Variants in PLS1 observed in about 807,000 individuals in gnomAD.
PLS1 encodes plastin 1, also known as plastin-1.
In PLS1, 32 loss-of-function variants were observed where a neutral mutation model predicts 73.7. The ratio of observed to expected loss-of-function variants is 0.43; its 90% confidence interval spans 0.33 to 0.58. PLS1 has a LOEUF of 0.58. PLS1 is among the 20% of genes least tolerant of loss of function. The pLI is 0.04. For missense variants in PLS1, 633 were observed against 740.5 expected (o/e 0.85, Z 1.68); for synonymous variants, 217 against 261.3 (o/e 0.83, Z 1.63).
chr3:142,648,793 C>T (rs1046294803), intron 1 of PLS1, among the ~76,000 whole-genome samples: 6 of 152,080 alleles, frequency 3.9e-5, no homozygotes, highest in African/African-American at 1.4e-4. Flanking sequence ...GCCATACATC[C>T]TTCTTGTTCC....
intron 1 of PLS1, among the ~76,000 whole-genome samples, chr3:142,663,436 GC>G (rs1336873991): frequency 6.6e-6 from 1 of 151,956 alleles, no homozygotes; most frequent in Non-Finnish European, 1.5e-5. Flanking sequence ...GAATACAAAA[GC>G]CCCCTTGCCC....
intron 1 of PLS1, among the ~76,000 whole-genome samples, chr3:142,659,577 T>C (rs2037319168): frequency 6.6e-6 from 1 of 152,174 alleles, no homozygotes; most frequent in African/African-American, 2.4e-5. Context: ...AAAAACTGAA[T>C]ACAAAAAGCA....
At chr3:142,630,675 C>A (rs957117247) in intron 1 of PLS1, among the ~76,000 whole-genome samples, 1 of 151,818 alleles carries the variant, frequency 6.6e-6, no homozygotes, top group East Asian at 1.9e-4. Flanking sequence ...TGCTTGAAAC[C>A]AGAAGGTGGA....
intron 1 of PLS1, chr3:142,645,520 T>C (rs1328319694): frequency 6.6e-6 from 1 of 152,204 alleles, no homozygotes; most frequent in Admixed American, 6.5e-5. Flanking sequence ...TGTGTTGCTG[T>C]GAATGATTTG....
rs2107889561 is a variant in PLS1 at position 142,684,012 on chromosome 3, T to G, written c.586T>G (p.Leu196Val). The change falls in exon 7 of 16, where the codon TTA becomes GTA. Residue 196 changes from leucine to valine, a missense_variant. Transcript: ENST00000457734. ...TTTTTTTTTGGCAATTCAGGAAAATTTAAACCTAGCTCTGAATTCTGCCTC... is the reference window on the plus strand; with the variant it reads ...TTTTTTTTTGGCAATTCAGGAAAATGTAAACCTAGCTCTGAATTCTGCCTC... ...KLTPFTISEN[L>V]NLALNSASAI... The G allele has an allele frequency of 6.3e-7, 1 of 1,599,554 alleles. No homozygotes were observed. Among genetic ancestry groups the G allele is most frequent in the Non-Finnish European group, 8.5e-7 (1 of 1,175,492 alleles).
Position 142,712,129 on chromosome 3 carries a change from T to A in PLS1, c.*122T>A. The stretch of plus-strand genomic sequence containing the variant: ...TATGCTCAAAATAGTTATATATTCA[T>A]TAATGAATTCAATATCCTGTTCATA... On this transcript the variant is annotated 3_prime_UTR_variant, in exon 16 of 16. Transcript: ENST00000457734. 2 of 892,388 alleles carry A rather than the reference T, an allele frequency of 2.2e-6. No homozygotes were observed. The highest frequency in any genetic ancestry group is 3.4e-5 in the South Asian group (2 of 59,492). The allele number at this position is 892,388 out of a possible 1,614,324, so 55.3% of individuals were successfully genotyped here.
rs1193849244 is a variant in PLS1 at position 142,647,525 on chromosome 3, C to T, written c.-36-16677C>T. On this transcript the variant is annotated intron_variant, in intron 1 of 15. Coordinates refer to ENST00000457734, the MANE Select transcript of PLS1 (RefSeq NM_001145319.2). ...TTTCTTTTTTTTTTTTTTCTTGAGA[C>T]GGAGTCTCGCACTGTTGCCCTGGCT... 8.2e-5 allele frequency among the ~76,000 whole-genome samples: 10 copies of T among 121,392 alleles called. No homozygotes were observed. In the East Asian group the frequency reaches 1.7e-3, roughly 21 times the overall value. 79.6% of individuals were successfully genotyped at this position (121,392 alleles called of 152,430 possible). A position where few individuals can be genotyped will look rare whatever the true frequency, so the allele number is the denominator to read the frequency against.
At chr3:142,691,779 A>G (rs1426690941) in intron 10 of PLS1, among the ~76,000 whole-genome samples, 1 of 152,206 alleles carries the variant, frequency 6.6e-6, no homozygotes, top group African/African-American at 2.4e-5. Context: ...GCTTGATCAT[A>G]TCACATCCCA....
At chr3:142,688,876 A>C (rs2038027495) in intron 9 of PLS1, among the ~76,000 whole-genome samples, 1 of 152,014 alleles carries the variant, frequency 6.6e-6, no homozygotes, top group Non-Finnish European at 1.5e-5. Context: ...CTATGATTTT[A>C]ATTTTTAAAA....
At chr3:142,608,859 C>T (rs2108543681) in intron 1 of PLS1, among the ~76,000 whole-genome samples, 1 of 152,294 alleles carries the variant, frequency 6.6e-6, no homozygotes, top group East Asian at 1.9e-4. Flanking sequence ...GAAAATGCAG[C>T]CTGAGGGTCA....
intron 1 of PLS1, among the ~76,000 whole-genome samples, chr3:142,617,613 C>T (rs1483101694): frequency 6.6e-6 from 1 of 152,132 alleles, no homozygotes; most frequent in African/African-American, 2.4e-5. Flanking sequence ...CTGAATGAGA[C>T]TCTTTGGGTT....
In PLS1 at chr3:142,699,117, G is replaced by A. The variant is rs369587598; in HGVS notation, c.1371+1050G>A. On this transcript the variant is annotated intron_variant, in intron 12 of 15. Transcript: ENST00000457734. ...GACCTGTCAGGGGTTGGGGGGCAAG[G>A]GGAGGGAGAGTATTAGGACAAATAC... 1.1e-4 allele frequency among the ~76,000 whole-genome samples: 16 copies of A among 152,236 alleles called. No homozygotes were observed. The South Asian group carries it at 3.3e-3, about 32-fold the overall frequency.
intron 1 of PLS1, among the ~76,000 whole-genome samples, chr3:142,639,529 TTCTG>T (rs2036782797): frequency 6.6e-6 from 1 of 152,204 alleles, no homozygotes; most frequent in South Asian, 2.1e-4. Context: ...TTTGAATACT[TTCTG>T]TATCATTTGA....
intron 6 of PLS1, among the ~76,000 whole-genome samples, chr3:142,682,922 G>A (rs1364594031): frequency 6.6e-6 from 1 of 152,102 alleles, no homozygotes; most frequent in Non-Finnish European, 1.5e-5. Flanking sequence ...AGGCTTCTCT[G>A]GTTCTGCTGC....
intron 8 of PLS1, among the ~76,000 whole-genome samples, chr3:142,685,499 A>G (rs2037945659): frequency 6.6e-6 from 1 of 152,186 alleles, no homozygotes; most frequent in Non-Finnish European, 1.5e-5. Context: ...ACTCGATTAC[A>G]TTCAGCTGTC....
chr3:142,700,108 T>C (rs903948499), intron 12 of PLS1, among the ~76,000 whole-genome samples: 5 of 152,140 alleles, frequency 3.3e-5, no homozygotes, highest in African/African-American at 1.2e-4. Context: ...GCAGAATACT[T>C]TTTCAACAAA....
chr3:142,612,039 A>G (rs565399577), intron 1 of PLS1, among the ~76,000 whole-genome samples: 1 of 152,336 alleles, frequency 6.6e-6, no homozygotes, highest in South Asian at 2.1e-4. Flanking sequence ...TAGGTACTGA[A>G]ATATATGTGC....
At chr3:142,688,287 CT>C (rs2038015320) in intron 9 of PLS1, among the ~76,000 whole-genome samples, 1 of 152,098 alleles carries the variant, frequency 6.6e-6, no homozygotes, top group African/African-American at 2.4e-5. Flanking sequence ...GGTAACTTTT[CT>C]TTGTTAATTT....
At chr3:142,644,179 C>T (rs1040958951) in intron 1 of PLS1, among the ~76,000 whole-genome samples, 1 of 151,970 alleles carries the variant, frequency 6.6e-6, no homozygotes, top group Non-Finnish European at 1.5e-5. Flanking sequence ...ACATTAATGC[C>T]TATTATGTCT....
Sources: gnomAD v4.1 joint callset for allele counts (sites outside exome capture counted in the v4.1 genomes callset) on GRCh38, gnomAD v4.1.1 for gene constraint, MANE v1.5 for transcripts, NCBI Gene and HGNC (gene_info 2026-07-23, HGNC 2026-07-21) for gene names.